UNC5C: variants seen among roughly 807,000 people sequenced by gnomAD.
UNC5C encodes the protein unc-5 netrin receptor C.
UNC5C carries 47 observed loss-of-function variants against 99.8 expected under a neutral mutation model. That is an observed-to-expected ratio of 0.47 (90% CI 0.37 to 0.60). The LOEUF is 0.60. Among genes scored for constraint, UNC5C ranks in the 20% least tolerant of loss-of-function variants. UNC5C has a pLI of 0.00. For synonymous variants in UNC5C, 487 were observed against 452.2 expected, an observed-to-expected ratio of 1.08 and a Z score of -0.98; for missense variants, 1,062 against 1,165.9, an observed-to-expected ratio of 0.91 and a Z score of 1.30.
intron 2 of UNC5C, among the ~76,000 whole-genome samples, chr4:95,313,205 T>C (rs559371042): frequency 1.3e-5 from 2 of 152,194 alleles, no homozygotes; most frequent in African/African-American, 4.8e-5. Flanking sequence ...TTACATTCAT[T>C]GAGTAAAGGA....
chr4:95,467,413 C>CAG (rs1330600857), intron 1 of UNC5C, among the ~76,000 whole-genome samples: 1 of 151,966 alleles, frequency 6.6e-6, no homozygotes, highest in Non-Finnish European at 1.5e-5. Flanking sequence ...CAGATAAAAA[C>CAG]AGAGAGAGAG....
In UNC5C at chr4:95,165,969, A is replaced by C. The variant is rs1463706056; in HGVS notation, c.*3265T>G. ...GAGATGAGTGATGCAAATGAAAAAA[A>C]AGTGAGAATAAGAAAATTATAAATT... On this transcript the variant is annotated 3_prime_UTR_variant, in exon 16 of 16. Transcript: ENST00000453304. The C allele has an allele frequency of 6.6e-6, 1 of 152,222 alleles. No homozygotes were observed. The highest frequency in any genetic ancestry group is 1.5e-5 in the Non-Finnish European group (1 of 68,032). The allele number at this position is 152,222 out of a possible 1,614,324, so 9.4% of individuals were successfully genotyped here. A position where few individuals can be genotyped will look rare whatever the true frequency, so the allele number is the denominator to read the frequency against.
chr4:95,211,448 T>A (rs1738072304), intron 10 of UNC5C, among the ~76,000 whole-genome samples: 1 of 152,242 alleles, frequency 6.6e-6, no homozygotes, highest in Non-Finnish European at 1.5e-5. Context: ...CTACCTCCAT[T>A]GAGGGACACT....
At position 95,447,942 on chromosome 4, in the gene UNC5C, A is replaced by G. The variant is rs1747154764; in HGVS notation, c.124+100792T>C. On this transcript the variant is annotated intron_variant, in intron 1 of 15. Coordinates refer to ENST00000453304, the MANE Select transcript of UNC5C (RefSeq NM_003728.4). ...GGAAGAAGCGGCTTGGGCTGGCACC[A>G]TAGGATAGACAGAATTTTGACAGAT... 2.0e-5 allele frequency among the ~76,000 whole-genome samples: 3 copies of G among 152,184 alleles called. No individual in the cohort carries two copies. In the South Asian group the frequency reaches 6.2e-4, roughly 32 times the overall value.
In UNC5C at chr4:95,362,274, T is replaced by A. The variant is rs147260601; in HGVS notation, c.125-26643A>T. On this transcript the variant is annotated intron_variant, in intron 1 of 15. Coordinates refer to ENST00000453304, the MANE Select transcript of UNC5C (RefSeq NM_003728.4). Reference sequence around the variant, plus strand: ...CCTGCCCATCGGAGCGTTCCAATCCTCTGACCACAATTATTGGTTCAGGAT... The same window carrying A: ...CCTGCCCATCGGAGCGTTCCAATCCACTGACCACAATTATTGGTTCAGGAT... 4.6e-3 allele frequency among the ~76,000 whole-genome samples: 699 copies of A among 152,250 alleles called. 7 individuals carry two copies. The highest frequency in any genetic ancestry group is 0.016 in the African/African-American group (667 of 41,564).
At chr4:95,526,425 T>C (rs1722499112) in intron 1 of UNC5C, among the ~76,000 whole-genome samples, 1 of 152,022 alleles carries the variant, frequency 6.6e-6, no homozygotes, top group Admixed American at 6.6e-5. Flanking sequence ...TTGAAGAAAA[T>C]GCTCTAAAAG....
intron 1 of UNC5C, among the ~76,000 whole-genome samples, chr4:95,445,029 T>C (rs1323863016): frequency 6.6e-6 from 1 of 152,110 alleles, no homozygotes; most frequent in East Asian, 1.9e-4. Flanking sequence ...GAGTGCGTCA[T>C]TTCAGAAGGG....
At chr4:95,397,929 C>T (rs945016046) in intron 1 of UNC5C, among the ~76,000 whole-genome samples, 2 of 151,996 alleles carry the variant, frequency 1.3e-5, no homozygotes, top group Non-Finnish European at 2.9e-5. Flanking sequence ...TAATTGTCTG[C>T]ATTCTGCCCC....
chr4:95,288,064 T>TTATTTATTTATTTATC (rs1741301832), intron 3 of UNC5C, among the ~76,000 whole-genome samples: 1 of 25,126 alleles, frequency 4.0e-5, no homozygotes, highest in African/African-American at 4.9e-4. Flanking sequence ...ACTTTACAGA[T>TTATTTATTTATTTATC]TATTTATTTA....
intron 9 of UNC5C, among the ~76,000 whole-genome samples, chr4:95,217,178 G>T (rs1454760716): frequency 6.6e-6 from 1 of 152,192 alleles, no homozygotes; most frequent in Non-Finnish European, 1.5e-5. Context: ...TAGTCTTCCT[G>T]TCTTTGAGTA....
In UNC5C at chr4:95,169,000, A is replaced by T; in HGVS notation, c.*234T>A. On this transcript the variant is annotated 3_prime_UTR_variant, in exon 16 of 16. Coordinates refer to ENST00000453304, the MANE Select transcript of UNC5C (RefSeq NM_003728.4). ...CCCAACTAAGAGGAAAATTAGGTTGATAGCTAAATTCAAGGTACAAATTTA... is the reference window on the plus strand; with the variant it reads ...CCCAACTAAGAGGAAAATTAGGTTGTTAGCTAAATTCAAGGTACAAATTTA... The T allele has an allele frequency of 1.9e-6, 1 of 517,364 alleles. No individual in the cohort carries two copies. The highest frequency in any genetic ancestry group is 3.4e-6 in the Non-Finnish European group (1 of 292,338). The allele number at this position is 517,364 out of a possible 1,614,324, so 32.0% of individuals were successfully genotyped here. A position where few individuals can be genotyped will look rare whatever the true frequency, so the allele number is the denominator to read the frequency against.
At chr4:95,440,018 T>C (rs1746903205) in intron 1 of UNC5C, among the ~76,000 whole-genome samples, 1 of 152,208 alleles carries the variant, frequency 6.6e-6, no homozygotes, top group East Asian at 1.9e-4. Context: ...AGGAGACATT[T>C]CTCTCCTGCA....
chr4:95,319,224 T>C (rs1742589245), intron 2 of UNC5C, among the ~76,000 whole-genome samples: 1 of 152,194 alleles, frequency 6.6e-6, no homozygotes, highest in South Asian at 2.1e-4. Flanking sequence ...AGCTATGGCC[T>C]GTTCCCAATT....
intron 1 of UNC5C, among the ~76,000 whole-genome samples, chr4:95,470,415 G>T (rs1747931658): frequency 6.6e-6 from 1 of 152,068 alleles, no homozygotes; most frequent in Admixed American, 6.6e-5. Flanking sequence ...AGTTTACCTT[G>T]GGTTACCTGG....
intron 1 of UNC5C, among the ~76,000 whole-genome samples, chr4:95,481,366 AAACAAATGGAAC>A (rs1208826027): frequency 6.6e-6 from 1 of 151,996 alleles, no homozygotes; most frequent in Non-Finnish European, 1.5e-5. Context: ...AAGAGGATAC[AAACAAATGGAAC>A]AACATTCCAT....
chr4:95,239,724 C>T (rs1318359018), intron 7 of UNC5C, among the ~76,000 whole-genome samples: 4 of 152,158 alleles, frequency 2.6e-5, no homozygotes, highest in African/African-American at 9.7e-5. Flanking sequence ...TTTTATCCAA[C>T]ATTTTAATAT....
intron 3 of UNC5C, among the ~76,000 whole-genome samples, chr4:95,301,053 A>G (rs77547807): frequency 0.051 from 7,820 of 152,272 alleles, 645 homozygotes; most frequent in African/African-American, 0.17. Flanking sequence ...AACATCTCAC[A>G]TACCATGTAA....
At chr4:95,227,416 G>T (rs1319478380) in intron 7 of UNC5C, among the ~76,000 whole-genome samples, 1 of 152,130 alleles carries the variant, frequency 6.6e-6, no homozygotes, top group Non-Finnish European at 1.5e-5. Flanking sequence ...GCTTCCCAAA[G>T]TGCTGGGATT....
intron 4 of UNC5C, among the ~76,000 whole-genome samples, chr4:95,260,480 C>G (rs137921966): frequency 6.6e-6 from 1 of 152,232 alleles, no homozygotes; most frequent in East Asian, 1.9e-4. Context: ...CAGCAGCCTT[C>G]GATCCATGGC....
Sources: gnomAD v4.1 joint callset for allele counts (sites outside exome capture counted in the v4.1 genomes callset) on GRCh38, gnomAD v4.1.1 for gene constraint, MANE v1.5 for transcripts, NCBI Gene and HGNC (gene_info 2026-07-23, HGNC 2026-07-21) for gene names.